Variants in ABLIM2 observed in about 807,000 individuals in gnomAD.
The protein encoded by ABLIM2 is actin binding LIM protein family member 2, also known as actin-binding LIM protein 2.
ABLIM2 carries 53 observed loss-of-function variants against 97.7 expected under a neutral mutation model. The observed-to-expected ratio is 0.54, with a 90% confidence interval of 0.44 to 0.68. The LOEUF (loss-of-function observed/expected upper bound fraction) is 0.68. Ranked by LOEUF, ABLIM2 falls within the 30% of genes least tolerant of loss-of-function variation. The pLI is 0.00. For missense variants in ABLIM2, 835 were observed against 867.2 expected (o/e 0.96, Z 0.47); for synonymous variants, 361 against 345.8 (o/e 1.04, Z -0.49).
chr4:8,026,277 C>T (rs754979946), intron 12 of ABLIM2, among the ~76,000 whole-genome samples: 52 of 152,284 alleles, frequency 3.4e-4, no homozygotes, highest in Non-Finnish European at 5.4e-4. Context: ...AGTGGGATTA[C>T]AGGTATGAGC....
intron 16 of ABLIM2, chr4:8,006,907 C>T (rs1369075035): frequency 8.4e-6 from 5 of 596,214 alleles, no homozygotes; most frequent in African/African-American, 2.0e-5. Context: ...ATGGTGACAT[C>T]AGCCTTGTGC....
At chr4:8,078,324 G>A (rs566934773) in intron 5 of ABLIM2, among the ~76,000 whole-genome samples, 8 of 152,362 alleles carry the variant, frequency 5.3e-5, no homozygotes, top group African/African-American at 1.2e-4. Context: ...GCACGTATGC[G>A]TCCATCCCCT....
Position 8,005,289 on chromosome 4 carries a change from C to T in ABLIM2, c.1618+2770G>A, listed in dbSNP as rs754917103. ...CTTCTCTGTCCCCCTCGGCGCCCCG[C>T]TCAGCGTCTGGCACAGAGTGGGTGC... On this transcript the variant is annotated intron_variant, in intron 16 of 20. Transcript: ENST00000447017. This position sits in a 1 kb window ranked among gnomAD's most constrained non-coding sequence, Gnocchi z 4.9. The T allele has an allele frequency of 1.9e-6, 1 of 527,110 alleles. No individual in the cohort carries two copies. Among genetic ancestry groups the T allele is most frequent in the Non-Finnish European group, 3.9e-6 (1 of 255,234 alleles). 32.7% of individuals were successfully genotyped at this position (527,110 alleles called of 1,614,324 possible).
chr4:8,138,904 C>G (rs1334526146), intron 1 of ABLIM2, among the ~76,000 whole-genome samples: 1 of 152,238 alleles, frequency 6.6e-6, no homozygotes, highest in African/African-American at 2.4e-5. Context: ...GCAAAAGAAA[C>G]TATCATCAGA....
Position 8,071,752 on chromosome 4 carries a change from CG to C in ABLIM2, c.675+5875del, listed in dbSNP as rs1192158610. 2.9e-5 allele frequency: 28 copies of C among 981,342 alleles called. No homozygotes were observed. The highest frequency in any genetic ancestry group is 3.3e-5 in the Non-Finnish European group (27 of 828,976). 60.8% of individuals were successfully genotyped at this position (981,342 alleles called of 1,614,324 possible). The stretch of plus-strand genomic sequence containing the variant: ...AGCCCCCATCAGCCCCTTGGAGTTG[CG>C]GGCCAGGTTTCCTACCTGCACAGCT... On this transcript the variant is annotated intron_variant, in intron 6 of 20. Transcript: ENST00000447017. The surrounding 1 kb of genome is among the most constrained non-coding windows in gnomAD (Gnocchi z 6.2).
In ABLIM2 at chr4:7,998,743, C is replaced by T; in HGVS notation, c.1619-5816G>A. The T allele has an allele frequency of 2.2e-6, 1 of 463,456 alleles. No homozygotes were observed. Among genetic ancestry groups the T allele is most frequent in the Non-Finnish European group, 4.3e-6 (1 of 231,846 alleles). The allele number at this position is 463,456 out of a possible 1,614,324, so 28.7% of individuals were successfully genotyped here. A position where few individuals can be genotyped will look rare whatever the true frequency, so the allele number is the denominator to read the frequency against. On this transcript the variant is annotated intron_variant, in intron 16 of 20. Coordinates refer to ENST00000447017, the MANE Select transcript of ABLIM2 (RefSeq NM_001130083.2). This position sits in a 1 kb window ranked among gnomAD's most constrained non-coding sequence, Gnocchi z 6.4. The stretch of plus-strand genomic sequence containing the variant: ...CATGGGAGGCTGGGAGTCTGCTGGC[C>T]TGGGCCACCTCCTGCTGCTGGGTGG...
At chr4:7,997,865 T>C (rs1000258494) in intron 16 of ABLIM2, among the ~76,000 whole-genome samples, 2 of 152,182 alleles carry the variant, frequency 1.3e-5, no homozygotes, top group African/African-American at 4.8e-5. Context: ...TGTTAGTATC[T>C]GCTGTCTTTT....
At chr4:7,983,419 C>A (rs1740560521) in intron 19 of ABLIM2, 75 bp from the exon 20 acceptor site, 1 of 1,578,838 alleles carries the variant, frequency 6.3e-7, no homozygotes, top group Non-Finnish European at 8.6e-7. Context: ...AGCAGAAGGT[C>A]ACCGAGAATA....
chr4:8,143,214 A>G (rs1043449062), intron 1 of ABLIM2, among the ~76,000 whole-genome samples: 36 of 148,164 alleles, frequency 2.4e-4, no homozygotes, highest in Non-Finnish European at 3.0e-5. Context: ...GCTCTATCAC[A>G]GCGTCCCAGG....
At position 8,054,099 on chromosome 4, in the gene ABLIM2, G is replaced by A; in HGVS notation, c.822+89C>T. On this transcript the variant is annotated intron_variant, in intron 8 of 20. Transcript: ENST00000447017. The surrounding 1 kb of genome is among the most constrained non-coding windows in gnomAD (Gnocchi z 4.9). ...GCCCGTGGGACTGGACAATGAGCCT[G>A]TAGAATCTGGTCAGTGTCCTCTTAA... 6.8e-7 allele frequency: 1 copy of A among 1,463,644 alleles called. No individual in the cohort carries two copies. Among genetic ancestry groups the A allele is most frequent in the Middle Eastern group, 1.7e-4 (1 of 5,752 alleles). The allele number at this position is 1,463,644 out of a possible 1,614,324, so 90.7% of individuals were successfully genotyped here. A position where few individuals can be genotyped will look rare whatever the true frequency, so the allele number is the denominator to read the frequency against.
chr4:8,135,120 G>T (rs567498274), intron 1 of ABLIM2, among the ~76,000 whole-genome samples: 1 of 152,318 alleles, frequency 6.6e-6, no homozygotes, highest in Admixed American at 6.5e-5. Context: ...CTTTTCAAGT[G>T]TGTCCGTGGC....
Position 8,002,974 on chromosome 4 carries a change from T to C in ABLIM2, c.1618+5085A>G, listed in dbSNP as rs1758259547. ...TAGCCCTCTTAGCACAGGGCACTGA[T>C]ATAACTCACTTTCAGCTTGTTTCTC... On this transcript the variant is annotated intron_variant, in intron 16 of 20. Coordinates refer to ENST00000447017, the MANE Select transcript of ABLIM2 (RefSeq NM_001130083.2). The surrounding 1 kb of genome is among the most constrained non-coding windows in gnomAD (Gnocchi z 6.1). Among the ~76,000 whole-genome samples, 1 of 152,190 alleles carries C rather than the reference T, an allele frequency of 6.6e-6. No homozygotes were observed. Among genetic ancestry groups the C allele is most frequent in the African/African-American group, 2.4e-5 (1 of 41,440 alleles).
chr4:8,070,502 C>T (rs1811237289), intron 6 of ABLIM2, among the ~76,000 whole-genome samples: 1 of 152,130 alleles, frequency 6.6e-6, no homozygotes, highest in African/African-American at 2.4e-5. Flanking sequence ...TATTTGGAAA[C>T]ACGGTTTGTT....
rs1469142557 is a variant in ABLIM2 at position 8,085,270 on chromosome 4, C to T, written c.454+2899G>A. ...CCCACCCTGCTGCCCCCCGGCCCAG[C>T]AAGCTGGCCAGGCAGACGGTGCTGC... On this transcript the variant is annotated intron_variant, in intron 4 of 20. Coordinates refer to ENST00000447017, the MANE Select transcript of ABLIM2 (RefSeq NM_001130083.2). This position sits in a 1 kb window ranked among gnomAD's most constrained non-coding sequence, Gnocchi z 6.1. Among the ~76,000 whole-genome samples the T allele has an allele frequency of 6.6e-6, 1 of 152,122 alleles. No individual in the cohort carries two copies. The highest frequency in any genetic ancestry group is 6.5e-5 in the Admixed American group (1 of 15,284).
rs1206820895 is a variant in ABLIM2, at chr4:8,002,348, C to T, written c.1618+5711G>A. ...GTGTCTTCTTTGATTCCGTCACCCCCGCAGCCAGTGGTTCCTGAGCTGCCA... is the reference window on the plus strand; with the variant it reads ...GTGTCTTCTTTGATTCCGTCACCCCTGCAGCCAGTGGTTCCTGAGCTGCCA... On this transcript the variant is annotated intron_variant, in intron 16 of 20. Coordinates refer to ENST00000447017, the MANE Select transcript of ABLIM2 (RefSeq NM_001130083.2). The surrounding 1 kb of genome is among the most constrained non-coding windows in gnomAD (Gnocchi z 6.1). Among the ~76,000 whole-genome samples, 3 of 152,208 alleles carry T rather than the reference C, an allele frequency of 2.0e-5. No individual in the cohort carries two copies. The highest frequency in any genetic ancestry group is 7.2e-5 in the African/African-American group (3 of 41,458).
rs1009222136 is a variant in ABLIM2 at position 7,999,259 on chromosome 4, A to G, written c.1619-6332T>C. 2.0e-5 allele frequency among the ~76,000 whole-genome samples: 3 copies of G among 152,072 alleles called. No homozygotes were observed. Among genetic ancestry groups the G allele is most frequent in the African/African-American group, 7.2e-5 (3 of 41,402 alleles). On this transcript the variant is annotated intron_variant, in intron 16 of 20. Coordinates refer to ENST00000447017, the MANE Select transcript of ABLIM2 (RefSeq NM_001130083.2). This position sits in a 1 kb window ranked among gnomAD's most constrained non-coding sequence, Gnocchi z 4.4. ...TTTTTAGTAGAGACAAGGTTTCTCC[A>G]TGTTGGTCAGGCTATCTCGAACTCC...
chr4:8,027,424 G>A (rs1176435934), intron 12 of ABLIM2, among the ~76,000 whole-genome samples: 9 of 152,172 alleles, frequency 5.9e-5, no homozygotes, highest in Non-Finnish European at 8.8e-5. Flanking sequence ...TGTGCCCCCC[G>A]GCTGACACAT....
Position 8,032,009 on chromosome 4 carries a change from G to A in ABLIM2, c.1048-2233C>T, listed in dbSNP as rs931136052. On this transcript the variant is annotated intron_variant, in intron 10 of 20. Transcript: ENST00000447017. The surrounding 1 kb of genome is among the most constrained non-coding windows in gnomAD (Gnocchi z 4.3). ...CCCAAAGTGCTGGGATTACAGGTGT[G>A]AGCCACCACGCCCAGCCTATGAAAT... is the stretch of plus-strand genomic sequence containing the variant. Among the ~76,000 whole-genome samples, 1 of 152,002 alleles carries A rather than the reference G, an allele frequency of 6.6e-6. No individual in the cohort carries two copies. Among genetic ancestry groups the A allele is most frequent in the African/African-American group, 2.4e-5 (1 of 41,362 alleles).
intron 12 of ABLIM2, among the ~76,000 whole-genome samples, chr4:8,025,069 A>C (rs12502318): frequency 0.24 from 36,529 of 152,194 alleles, 5,297 homozygotes; most frequent in Non-Finnish European, 0.34. Flanking sequence ...AGCTGGGACC[A>C]CAGGTGCGCC....
Sources: gnomAD v4.1 joint callset for allele counts (sites outside exome capture counted in the v4.1 genomes callset) on GRCh38, gnomAD v4.1.1 for gene constraint, Gnocchi (gnomAD v3.1) non-coding constraint, MANE v1.5 for transcripts, NCBI Gene and HGNC (gene_info 2026-07-23, HGNC 2026-07-21) for gene names.